Variants in DAB1 observed in about 807,000 individuals in gnomAD.
DAB1 encodes DAB adaptor protein 1.
In DAB1, 15 loss-of-function variants were observed where a neutral mutation model predicts 64.6. The ratio of observed to expected loss-of-function variants is 0.23; its 90% CI spans 0.16 to 0.36. The LOEUF is 0.36. Ranked by LOEUF, DAB1 falls within the 10% of genes least tolerant of loss-of-function variation. The pLI is 1.00. For synonymous variants in DAB1, 235 were observed against 251.9 expected (o/e 0.93, Z 0.64); for missense variants, 596 against 706.7 (o/e 0.84, Z 1.78).
chr1:58,409,059 A>G (rs552603665), intron 3 of DAB1, among the ~76,000 whole-genome samples: 2 of 152,342 alleles, frequency 1.3e-5, no homozygotes, highest in East Asian at 3.9e-4. Context: ...CAAGAAAGAA[A>G]ACGTTTTTCT....
At chr1:58,389,265 C>T (rs1296417821) in intron 3 of DAB1, among the ~76,000 whole-genome samples, 1 of 152,164 alleles carries the variant, frequency 6.6e-6, no homozygotes, top group Non-Finnish European at 1.5e-5. Flanking sequence ...TACAAAGACT[C>T]CATTTCTAAA....
At chr1:58,432,404 A>T (rs1439451034) in intron 3 of DAB1, among the ~76,000 whole-genome samples, 1 of 152,168 alleles carries the variant, frequency 6.6e-6, no homozygotes, top group South Asian at 2.1e-4. Flanking sequence ...TCATGATTGT[A>T]TCCCCAGCAC....
chr1:58,307,613 T>C (rs923324606), intron 4 of DAB1, among the ~76,000 whole-genome samples: 4 of 152,126 alleles, frequency 2.6e-5, no homozygotes, highest in South Asian at 2.1e-4. Flanking sequence ...CATCCAGCTG[T>C]AGTCCCTGTC....
At chr1:57,805,742 C>G (rs114179201) in intron 6 of DAB1, among the ~76,000 whole-genome samples, 1,783 of 152,190 alleles carry the variant, frequency 0.012, 28 homozygotes, top group African/African-American at 0.042. Flanking sequence ...TTCCTTAAAC[C>G]TGGAGCTTAT....
intron 4 of DAB1, among the ~76,000 whole-genome samples, chr1:58,205,238 G>A (rs1658204242): frequency 6.9e-6 from 1 of 145,766 alleles, no homozygotes; most frequent in Non-Finnish European, 1.5e-5. Context: ...TTTCAGGCAA[G>A]ACTTATTTTT....
At chr1:58,535,741 A>G (rs2100486241) in intron 1 of DAB1, among the ~76,000 whole-genome samples, 1 of 152,312 alleles carries the variant, frequency 6.6e-6, no homozygotes, top group Admixed American at 6.5e-5. Context: ...CTCTGTCCCT[A>G]AGAAACTCAC....
chr1:57,396,100 A>G (rs1682783792), intron 1 of DAB1, among the ~76,000 whole-genome samples: 1 of 152,244 alleles, frequency 6.6e-6, no homozygotes, highest in South Asian at 2.1e-4. Flanking sequence ...CAGCAAGAGC[A>G]AAAGCGCTGA....
At chr1:58,195,728 A>G (rs1657639052) in intron 4 of DAB1, among the ~76,000 whole-genome samples, 1 of 152,250 alleles carries the variant, frequency 6.6e-6, no homozygotes, top group Non-Finnish European at 1.5e-5. Context: ...TAGAGTCTAT[A>G]AAGTGCAACA....
intron 6 of DAB1, among the ~76,000 whole-genome samples, chr1:57,711,051 G>GT (rs1647022673): frequency 6.6e-6 from 1 of 152,226 alleles, no homozygotes; most frequent in Non-Finnish European, 1.5e-5. Flanking sequence ...ATCTGCAGGA[G>GT]TAATTGTAGA....
At chr1:57,193,822 C>T (rs1014125963) in intron 2 of DAB1, among the ~76,000 whole-genome samples, 1 of 145,760 alleles carries the variant, frequency 6.9e-6, no homozygotes, top group South Asian at 2.1e-4. Context: ...AGCATAAGAA[C>T]GTGGTCACTT....
intron 5 of DAB1, among the ~76,000 whole-genome samples, chr1:58,028,021 A>T (rs967589050): frequency 6.6e-6 from 1 of 152,212 alleles, no homozygotes; most frequent in Non-Finnish European, 1.5e-5. Context: ...AATTTAAATA[A>T]GGTAGCTCAT....
intron 7 of DAB1, among the ~76,000 whole-genome samples, chr1:57,561,348 A>G (rs1252467420): frequency 1.3e-5 from 2 of 152,214 alleles, no homozygotes; most frequent in African/African-American, 2.4e-5. Flanking sequence ...AACTTTGAGC[A>G]GTGCACCTGG....
chr1:57,270,625 T>C lies in DAB1; in HGVS notation c.67+20339A>G, dbSNP rs151329839. ...TAAAGCTCTTAAATACTCTTCATTA[T>C]TTGTCCATTCACTCATTCAACAAAT... On this transcript the variant is annotated intron_variant, in intron 2 of 14. Coordinates refer to ENST00000371236, the MANE Select transcript of DAB1 (RefSeq NM_001365792.1). Among the ~76,000 whole-genome samples the C allele has an allele frequency of 1.4e-4, 22 of 152,356 alleles. No homozygotes were observed. In the East Asian group the frequency reaches 4.0e-3, roughly 28 times the overall value.
At chr1:58,527,609 T>C (rs1035374418) in intron 1 of DAB1, among the ~76,000 whole-genome samples, 1 of 152,196 alleles carries the variant, frequency 6.6e-6, no homozygotes, top group African/African-American at 2.4e-5. Flanking sequence ...TTTTTCCAAT[T>C]ATAGTCTCCA....
chr1:57,402,451 T>G (rs1683322339), intron 1 of DAB1, among the ~76,000 whole-genome samples: 2 of 152,194 alleles, frequency 1.3e-5, no homozygotes, highest in South Asian at 4.1e-4. Flanking sequence ...CAGTGAGTCC[T>G]TTTTTGTAAT....
At chr1:57,018,861 C>A (rs1326546426) in intron 11 of DAB1, among the ~76,000 whole-genome samples, 1 of 152,178 alleles carries the variant, frequency 6.6e-6, no homozygotes, top group Non-Finnish European at 1.5e-5. Flanking sequence ...CCTCACTGCA[C>A]CTTGCCCTCC....
intron 9 of DAB1, among the ~76,000 whole-genome samples, chr1:57,054,004 G>A (rs1363697690): frequency 6.6e-6 from 1 of 151,924 alleles, no homozygotes; most frequent in Non-Finnish European, 1.5e-5. Context: ...GTCTTTTGAA[G>A]GCCAAAAGAA....
intron 3 of DAB1, among the ~76,000 whole-genome samples, chr1:58,505,421 G>A (rs1253503597): frequency 6.6e-6 from 1 of 152,074 alleles, no homozygotes; most frequent in Admixed American, 6.6e-5. Flanking sequence ...GTCCTGATAT[G>A]GAAACCATAA....
chr1:58,121,782 G>A (rs867728494), intron 5 of DAB1, among the ~76,000 whole-genome samples: 2 of 152,074 alleles, frequency 1.3e-5, no homozygotes, highest in South Asian at 2.1e-4. Context: ...TACCAAGCAT[G>A]GAATGTACAT....
Sources: allele counts gnomAD v4.1 joint callset (sites outside exome capture counted in the v4.1 genomes callset), GRCh38; gene constraint gnomAD v4.1.1; transcripts MANE v1.5; gene names NCBI Gene and HGNC (gene_info 2026-07-23, HGNC 2026-07-21).